The following ZC3H12B variants were observed in gnomAD, a reference collection of about 807,000 sequenced individuals.
ZC3H12B encodes the protein probable ribonuclease ZC3H12B.
Under a neutral mutation model 43.9 loss-of-function variants are expected in ZC3H12B, and 7 were observed. The observed-to-expected ratio is 0.16, with a 90% CI of 0.09 to 0.30. The LOEUF (loss-of-function observed/expected upper bound fraction) is 0.30. ZC3H12B is among the 10% of genes least tolerant of loss of function. The pLI, the probability that ZC3H12B is intolerant of heterozygous loss-of-function variation, is 1.00. For missense variants in ZC3H12B, 475 were observed against 670.2 expected, an observed-to-expected ratio of 0.71 and a Z score of 3.22; for synonymous variants, 222 against 241.7, an observed-to-expected ratio of 0.92 and a Z score of 0.76.
At position 65,439,888 on chromosome X, in the gene ZC3H12B, G is replaced by A. The variant is rs141461989; in HGVS notation, n.407+41184G>A. Reference sequence around the variant, plus strand: ...CATGGCTGCAACTGGGGATCCTTCCGGAGTCTCTTCCTTGGCATCTGGCTC... The same window carrying A: ...CATGGCTGCAACTGGGGATCCTTCCAGAGTCTCTTCCTTGGCATCTGGCTC... On this transcript the variant is annotated intron_variant and non_coding_transcript_variant, in intron 3 of 5. Coordinates refer to the ZC3H12B transcript ENST00000617377. Among the ~76,000 whole-genome samples, 521 of 109,705 alleles carry A rather than the reference G, an allele frequency of 4.7e-3. 4 individuals carry two copies. The highest frequency in any genetic ancestry group is 6.3e-3 in the Non-Finnish European group (332 of 52,592).
intron 3 of ZC3H12B, among the ~76,000 whole-genome samples, chrX:65,429,056 G>GT (rs1569405191): frequency 8.9e-6 from 1 of 111,970 alleles, no homozygotes; most frequent in Non-Finnish European, 1.9e-5. Flanking sequence ...AGTTGCCTCG[G>GT]TTTTTTTCCT....
chrX:65,108,872 GT>G, the ZC3H12B span, among the ~76,000 whole-genome samples: 1 of 111,329 alleles, frequency 9.0e-6, no homozygotes, highest in Non-Finnish European at 1.9e-5. Context: ...TGGTTGCAGA[GT>G]CACTAGATGA....
chrX:65,200,528 G>A, the ZC3H12B span, among the ~76,000 whole-genome samples: 1 of 103,304 alleles, frequency 9.7e-6, no homozygotes. Flanking sequence ...CACCTCCTAG[G>A]TTCAAGCGAT....
chrX:65,389,280 C>G (rs2066576979), intron 2 of ZC3H12B, among the ~76,000 whole-genome samples: 1 of 112,120 alleles, frequency 8.9e-6, no homozygotes, highest in Admixed American at 9.4e-5. Flanking sequence ...GTGGTGGGCT[C>G]CACCCAGTTC....
the ZC3H12B span, among the ~76,000 whole-genome samples, chrX:65,347,073 G>T: frequency 8.9e-6 from 1 of 112,234 alleles, no homozygotes; most frequent in Non-Finnish European, 1.9e-5. Context: ...CATCTGGCAA[G>T]TGCCCCTCTG....
chrX:65,128,623 C>G, the ZC3H12B span, among the ~76,000 whole-genome samples: 155 of 111,672 alleles, frequency 1.4e-3, 1 homozygote, highest in Middle Eastern at 4.6e-3. Context: ...TATAATTGTT[C>G]TATCACTTGT....
rs139053996 is a variant in ZC3H12B, at chrX:65,376,569, G to A, written n.295+7571G>A. Among the ~76,000 whole-genome samples the A allele has an allele frequency of 3.8e-3, 430 of 111,888 alleles. 1 individual carries two copies. Among genetic ancestry groups the A allele is most frequent in the Middle Eastern group, 0.028 (6 of 214 alleles). ...ACGACACCTAGCTCCAAGCAGCTCA[G>A]CAAAGAGAGATATTCTGTTTGTTTG... On this transcript the variant is annotated intron_variant and non_coding_transcript_variant, in intron 2 of 5. Transcript: ENST00000617377.
At chrX:65,373,958 T>TAA (rs1244994353) in intron 2 of ZC3H12B, among the ~76,000 whole-genome samples, 2 of 56,789 alleles carry the variant, frequency 3.5e-5, no homozygotes, top group African/African-American at 2.4e-4. Flanking sequence ...TATATATATA[T>TAA]ACTGTATATA....
chrX:65,126,353 C>T, the ZC3H12B span, among the ~76,000 whole-genome samples: 1 of 111,559 alleles, frequency 9.0e-6, no homozygotes, highest in South Asian at 3.7e-4. Context: ...GCTGAGAAAT[C>T]TGCTACTAAT....
At chrX:65,358,262 G>A in the ZC3H12B span, among the ~76,000 whole-genome samples, 12 of 110,902 alleles carry the variant, frequency 1.1e-4, no homozygotes, top group African/African-American at 3.9e-4. Flanking sequence ...CTTTAACACT[G>A]CACTGTCAAT....
At chrX:65,338,437 A>C in the ZC3H12B span, among the ~76,000 whole-genome samples, 2 of 112,081 alleles carry the variant, frequency 1.8e-5, no homozygotes, top group Non-Finnish European at 3.8e-5. Context: ...TAGACATACA[A>C]AGAAGAGTTG....
At chrX:65,156,425 T>G in the ZC3H12B span, among the ~76,000 whole-genome samples, 4 of 111,805 alleles carry the variant, frequency 3.6e-5, no homozygotes, top group Non-Finnish European at 7.5e-5. Flanking sequence ...CCATCGCCCA[T>G]GCTGGAGTGC....
chrX:65,406,611 G>A (rs1422494755), intron 3 of ZC3H12B, among the ~76,000 whole-genome samples: 4 of 92,878 alleles, frequency 4.3e-5, no homozygotes, highest in Admixed American at 2.3e-4. Context: ...GCTGGGCGGG[G>A]CTGGGCGGGA....
At chrX:65,380,194 G>C (rs2148005938) in intron 2 of ZC3H12B, among the ~76,000 whole-genome samples, 1 of 111,784 alleles carries the variant, frequency 8.9e-6, no homozygotes, top group South Asian at 3.8e-4. Context: ...AAAATGTTAA[G>C]GGCAGCCAGA....
chrX:65,248,299 G>A, the ZC3H12B span, among the ~76,000 whole-genome samples: 1 of 111,093 alleles, frequency 9.0e-6, no homozygotes, highest in Non-Finnish European at 1.9e-5. Context: ...CAAAGTGCTG[G>A]GATTACAGCT....
chrX:65,336,102 A>C, the ZC3H12B span, among the ~76,000 whole-genome samples: 1 of 112,234 alleles, frequency 8.9e-6, no homozygotes, highest in Non-Finnish European at 1.9e-5. Context: ...AATTCATACC[A>C]CAAAGTACAA....
At chrX:65,163,240 C>G in the ZC3H12B span, among the ~76,000 whole-genome samples, 1 of 111,562 alleles carries the variant, frequency 9.0e-6, no homozygotes, top group Non-Finnish European at 1.9e-5. Context: ...CTTGAGGAGG[C>G]AGTCTTCCCA....
At chrX:65,121,685 C>A in the ZC3H12B span, among the ~76,000 whole-genome samples, 1 of 111,256 alleles carries the variant, frequency 9.0e-6, no homozygotes, top group Non-Finnish European at 1.9e-5. Flanking sequence ...TTCTTGCCTT[C>A]TGCTAGCTTT....
the ZC3H12B span, among the ~76,000 whole-genome samples, chrX:65,141,111 ATCT>A: frequency 1.8e-5 from 2 of 110,085 alleles, no homozygotes; most frequent in Non-Finnish European, 3.8e-5. Context: ...GGTTTTTTAA[ATCT>A]TCTTCTAGCT....
Sources: gnomAD v4.1 joint callset for allele counts (sites outside exome capture counted in the v4.1 genomes callset) on GRCh38, gnomAD v4.1.1 for gene constraint, MANE v1.5 for transcripts, NCBI Gene and HGNC (gene_info 2026-07-23, HGNC 2026-07-21) for gene names.